The following DDX10 variants were observed in gnomAD, a reference collection of about 807,000 sequenced individuals.
DDX10 encodes DEAD-box helicase 10, also known as probable ATP-dependent RNA helicase DDX10.
Under a neutral mutation model 104.3 loss-of-function variants are expected in DDX10, and 74 were observed. The observed-to-expected ratio is 0.71, with a 90% CI of 0.59 to 0.86. DDX10 has a LOEUF of 0.86. Among genes scored for constraint, DDX10 ranks in the 40% least tolerant of loss-of-function variants. The probability of loss-of-function intolerance (pLI) is 0.00; values close to 1 mark genes in which losing one functional copy is unlikely to be tolerated. For synonymous variants in DDX10, 351 were observed against 353.4 expected, an observed-to-expected ratio of 0.99 and a Z score of 0.08; for missense variants, 952 against 1,040.0, an observed-to-expected ratio of 0.92 and a Z score of 1.16.
chr11:108,841,615 T>A (rs531941838), intron 15 of DDX10, 139 bp downstream of exon 15: 15 of 833,538 alleles, frequency 1.8e-5, no homozygotes, highest in Non-Finnish European at 2.7e-5. Flanking sequence ...TGGCTACTCT[T>A]TTTTCTGTTT....
At chr11:108,823,441 T>A (rs1343518424) in intron 13 of DDX10, among the ~76,000 whole-genome samples, 1 of 152,204 alleles carries the variant, frequency 6.6e-6, no homozygotes, top group Non-Finnish European at 1.5e-5. Context: ...TAGAAAAATG[T>A]CGGATGTAAC....
chr11:108,834,187 G>T (rs1182977856), intron 13 of DDX10, among the ~76,000 whole-genome samples: 3 of 148,694 alleles, frequency 2.0e-5, no homozygotes, highest in Admixed American at 6.8e-5. Flanking sequence ...CAGGCTGGTC[G>T]TGAACTCCTG....
chr11:108,774,673 A>G (rs920810731), intron 13 of DDX10, among the ~76,000 whole-genome samples: 2 of 152,196 alleles, frequency 1.3e-5, no homozygotes, highest in Non-Finnish European at 2.9e-5. Flanking sequence ...TTAACCCTAT[A>G]GTCTTTCTTA....
chr11:108,843,711 G>C (rs530435797), intron 15 of DDX10, among the ~76,000 whole-genome samples: 124 of 151,348 alleles, frequency 8.2e-4, no homozygotes, highest in Non-Finnish European at 1.5e-3. Flanking sequence ...AGCCGAGGTC[G>C]TGCCACTGCA....
intron 5 of DDX10, 146 bp from the exon 6 acceptor site, chr11:108,679,225 A>T (rs74803766): frequency 1.6e-5 from 11 of 669,876 alleles, no homozygotes; most frequent in East Asian, 1.3e-4. Flanking sequence ...TTGCTACATC[A>T]TATAAATTCC....
intron 13 of DDX10, chr11:108,727,726 G>A (rs2094307074): frequency 6.2e-6 from 1 of 160,012 alleles, no homozygotes; most frequent in Admixed American, 6.3e-5. Context: ...AACTACTAAG[G>A]TACAATGTCC....
intron 13 of DDX10, among the ~76,000 whole-genome samples, chr11:108,786,015 G>A (rs1182390169): frequency 6.6e-6 from 1 of 152,030 alleles, no homozygotes; most frequent in Non-Finnish European, 1.5e-5. Flanking sequence ...CACTTTAGCT[G>A]CCTCCCAAAG....
chr11:108,705,249 C>T (rs1185552486), intron 9 of DDX10, among the ~76,000 whole-genome samples: 2 of 152,198 alleles, frequency 1.3e-5, no homozygotes, highest in Non-Finnish European at 2.9e-5. Context: ...TCATGCCATT[C>T]TCCTCCTTTG....
In DDX10 at chr11:108,844,959, G is replaced by A. The variant is rs1346153588; in HGVS notation, c.2247+3483G>A. Among the ~76,000 whole-genome samples the A allele has an allele frequency of 2.0e-5, 3 of 152,174 alleles. No individual in the cohort carries two copies. In the South Asian group the frequency reaches 6.2e-4, roughly 32 times the overall value. ...CGCCTGTAATCCCAGCACTTTGGGAGGCCGAGGTGGGCAGATCACAAGGTC... is the reference window on the plus strand; with the variant it reads ...CGCCTGTAATCCCAGCACTTTGGGAAGCCGAGGTGGGCAGATCACAAGGTC... On this transcript the variant is annotated intron_variant, in intron 15 of 17. Transcript: ENST00000322536.
intron 13 of DDX10, among the ~76,000 whole-genome samples, chr11:108,735,021 C>G (rs2094316672): frequency 6.6e-6 from 1 of 152,200 alleles, no homozygotes; most frequent in Non-Finnish European, 1.5e-5. Context: ...TGTGATGGCA[C>G]TGGATTCAAC....
rs1398020655 is a variant in DDX10, at chr11:108,698,196, A to G, written c.1223+4596A>G. Among the ~76,000 whole-genome samples, 3 of 152,242 alleles carry G rather than the reference A, an allele frequency of 2.0e-5. No individual in the cohort carries two copies. The East Asian group carries it at 5.8e-4, about 29-fold the overall frequency. On this transcript the variant is annotated intron_variant, in intron 9 of 17. Coordinates refer to ENST00000322536, the MANE Select transcript of DDX10 (RefSeq NM_004398.4). ...TGGCTGGTTGTGGGAGAATACTGGT[A>G]CTTTATGGAATAGCTAATGAGAATT...
chr11:108,695,072 G>A (rs1037599934), intron 9 of DDX10, among the ~76,000 whole-genome samples: 3 of 152,104 alleles, frequency 2.0e-5, no homozygotes, highest in Non-Finnish European at 4.4e-5. Flanking sequence ...TTTCTGGATA[G>A]CATATGGTAA....
intron 13 of DDX10, among the ~76,000 whole-genome samples, chr11:108,772,491 G>C (rs2094364500): frequency 6.6e-6 from 1 of 152,202 alleles, no homozygotes; most frequent in Admixed American, 6.5e-5. Context: ...GCCACCAAAA[G>C]CTGAAAGAGG....
intron 1 of DDX10, among the ~76,000 whole-genome samples, chr11:108,671,580 G>C (rs1257137492): frequency 6.6e-6 from 1 of 152,198 alleles, no homozygotes; most frequent in African/African-American, 2.4e-5. Flanking sequence ...TAAAGGGCTG[G>C]ATAGTCTGTG....
chr11:108,789,621 C>T (rs1861843567), intron 13 of DDX10, among the ~76,000 whole-genome samples: 1 of 152,194 alleles, frequency 6.6e-6, no homozygotes, highest in Non-Finnish European at 1.5e-5. Context: ...CCTTTGTCAG[C>T]AGAATGACTG....
chr11:108,696,677 C>T (rs1340560150), intron 9 of DDX10, among the ~76,000 whole-genome samples: 1 of 152,102 alleles, frequency 6.6e-6, no homozygotes, highest in Non-Finnish European at 1.5e-5. Context: ...CTCACAAGTG[C>T]ATTGGGCCAG....
At chr11:108,789,903 G>C (rs1861847424) in intron 13 of DDX10, among the ~76,000 whole-genome samples, 1 of 152,158 alleles carries the variant, frequency 6.6e-6, no homozygotes, top group African/African-American at 2.4e-5. Context: ...TTTGTCCTCA[G>C]ACTTGTCCCC....
intron 10 of DDX10, among the ~76,000 whole-genome samples, chr11:108,708,602 C>CTTATTTTTTTTTTT (rs2094279891): frequency 6.9e-6 from 1 of 145,170 alleles, no homozygotes. Context: ...GAGTCTTGCT[C>CTTATTTTTTTTTTT]TGTCGTTCAG....
intron 16 of DDX10, among the ~76,000 whole-genome samples, chr11:108,914,543 G>C (rs1468256545): frequency 6.6e-6 from 1 of 152,144 alleles, no homozygotes; most frequent in African/African-American, 2.4e-5. Flanking sequence ...TCTAGGCAAA[G>C]TACCTGCCTG....
Sources: allele counts gnomAD v4.1 joint callset (sites outside exome capture counted in the v4.1 genomes callset), GRCh38; gene constraint gnomAD v4.1.1; transcripts MANE v1.5; gene names NCBI Gene and HGNC (gene_info 2026-07-23, HGNC 2026-07-21).